The following CDH23 variants were observed in gnomAD, a reference collection of about 807,000 sequenced individuals.
The protein encoded by CDH23 is cadherin-23.
A neutral mutation model predicts 317.1 loss-of-function variants in CDH23; 189 were observed. That is an observed-to-expected ratio of 0.60 (90% CI 0.53 to 0.67). CDH23 has a LOEUF of 0.67. CDH23 is among the 30% of genes least tolerant of loss of function. CDH23 has a pLI of 0.00. For synonymous variants in CDH23, 1,839 were observed against 1,876.8 expected (o/e 0.98, Z 0.52); for missense variants, 4,401 against 4,592.4 (o/e 0.96, Z 1.20).
At position 71,695,509 on chromosome 10, in the gene CDH23, A is replaced by T. The variant is rs1318424902; in HGVS notation, c.2381A>T (p.Asp794Val). Reference sequence around the variant, plus strand: ...AACCTGGTGGAGATGACCCCTCCAGACTCTGATGTGACCACGGTAGGTGGT... The same window carrying T: ...AACCTGGTGGAGATGACCCCTCCAGTCTCTGATGTGACCACGGTAGGTGGT... ...YINLVEMTPP[D>V]SDVTTVVAVD... Residue 794 changes from aspartate to valine, a missense_variant, in exon 22 of 70, where the codon GAC becomes GTC. Asp to Val is a radical substitution (Grantham distance 152, BLOSUM62 -3). Coordinates refer to ENST00000224721, the MANE Select transcript of CDH23 (RefSeq NM_022124.6). The T allele has an allele frequency of 6.2e-6, 10 of 1,612,568 alleles. No homozygotes were observed. Among genetic ancestry groups the T allele is most frequent in the Non-Finnish European group, 7.6e-6 (9 of 1,178,654 alleles).
chr10:71,493,585 T>A (rs1378294451), intron 3 of CDH23, among the ~76,000 whole-genome samples: 3 of 152,208 alleles, frequency 2.0e-5, no homozygotes, highest in African/African-American at 7.2e-5. Flanking sequence ...GCTCTCGGAA[T>A]AAAGGGCTTC....
intron 6 of CDH23, among the ~76,000 whole-genome samples, chr10:71,536,501 G>A (rs545652651): frequency 3.3e-5 from 5 of 152,294 alleles, no homozygotes; most frequent in Non-Finnish European, 7.4e-5. Flanking sequence ...TTAGAGTGAC[G>A]GCATGACACA....
chr10:71,561,981 G>C (rs1857155100), intron 6 of CDH23, among the ~76,000 whole-genome samples: 1 of 152,140 alleles, frequency 6.6e-6, no homozygotes, highest in Non-Finnish European at 1.5e-5. Flanking sequence ...TTTCCAGCAA[G>C]AAGCTGGACC....
At chr10:71,726,845 C>T (rs879295185) in intron 30 of CDH23, among the ~76,000 whole-genome samples, 3 of 152,344 alleles carry the variant, frequency 2.0e-5, no homozygotes, top group Non-Finnish European at 2.9e-5. Context: ...CTCACCCAGG[C>T]GTGGTGGGCT....
intron 8 of CDH23, 41 bp downstream of exon 8, chr10:71,570,959 G>A (rs1187280372): frequency 6.2e-7 from 1 of 1,607,866 alleles, no homozygotes; most frequent in Non-Finnish European, 8.5e-7. Context: ...TCCCTTCTCA[G>A]AGGGACTTCC....
At chr10:71,799,885 T>A (rs903603169) in intron 52 of CDH23, among the ~76,000 whole-genome samples, 3 of 152,200 alleles carry the variant, frequency 2.0e-5, no homozygotes, top group Admixed American at 6.5e-5. Flanking sequence ...TGGGACAACA[T>A]CTGAGATGTG....
intron 6 of CDH23, among the ~76,000 whole-genome samples, chr10:71,533,436 G>A (rs1855513137): frequency 6.6e-6 from 1 of 151,880 alleles, no homozygotes; most frequent in Non-Finnish European, 1.5e-5. Flanking sequence ...ACACACAAAT[G>A]AAACACCGCC....
rs143770359 is a variant in CDH23, at chr10:71,479,262, G to A, written c.146-30820G>A. Among the ~76,000 whole-genome samples the A allele has an allele frequency of 3.5e-3, 534 of 152,296 alleles. 5 individuals carry two copies. Among genetic ancestry groups the A allele is most frequent in the South Asian group, 0.016 (75 of 4,828 alleles). On this transcript the variant is annotated intron_variant, in intron 3 of 69. Transcript: ENST00000224721. ...ATCTCTAGGCTGCTCATGTGAAGGG[G>A]GAGCGAAGGCAGAGCTAACATTTTG...
At chr10:71,754,112 C>A (rs1840072930) in intron 38 of CDH23, among the ~76,000 whole-genome samples, 1 of 152,210 alleles carries the variant, frequency 6.6e-6, no homozygotes, top group African/African-American at 2.4e-5. Context: ...TCTGGGCCAG[C>A]CTTCCACCAG....
intron 3 of CDH23, among the ~76,000 whole-genome samples, chr10:71,462,215 C>T (rs751305078): frequency 3.9e-5 from 6 of 152,240 alleles, no homozygotes; most frequent in African/African-American, 1.4e-4. Flanking sequence ...CAGTGCAGTT[C>T]GCCCCTGCCC....
chr10:71,669,543 G>A (rs1189361227), intron 14 of CDH23, among the ~76,000 whole-genome samples: 2 of 151,790 alleles, frequency 1.3e-5, no homozygotes, highest in African/African-American at 4.8e-5. Context: ...CACCTCCCGG[G>A]TTCAAGCGAT....
chr10:71,486,201 C>T (rs187263640), intron 3 of CDH23, among the ~76,000 whole-genome samples: 128 of 152,258 alleles, frequency 8.4e-4, no homozygotes, highest in African/African-American at 2.9e-3. Context: ...TCTTTGGGGT[C>T]CTTATTTCCA....
chr10:71,507,744 T>C (rs1853725127), intron 3 of CDH23, among the ~76,000 whole-genome samples: 1 of 152,250 alleles, frequency 6.6e-6, no homozygotes, highest in South Asian at 2.1e-4. Context: ...TGTCTTCCTG[T>C]TCGTTTTAGT....
intron 6 of CDH23, among the ~76,000 whole-genome samples, chr10:71,554,728 ATTT>A (rs66679909): frequency 2.7e-5 from 4 of 147,454 alleles, no homozygotes; most frequent in East Asian, 3.9e-4. Flanking sequence ...AGTTGTGAGA[ATTT>A]TTTTTTTTTT....
intron 3 of CDH23, among the ~76,000 whole-genome samples, chr10:71,484,835 GT>G (rs1017631094): frequency 3.3e-5 from 5 of 152,084 alleles, no homozygotes; most frequent in African/African-American, 9.7e-5. Flanking sequence ...ACAAATAGGT[GT>G]TGACTTTCTC....
rs189686021 is a variant in CDH23 at position 71,485,439 on chromosome 10, C to T, written c.146-24643C>T. On this transcript the variant is annotated intron_variant, in intron 3 of 69. Coordinates refer to ENST00000224721, the MANE Select transcript of CDH23 (RefSeq NM_022124.6). ...TCAGCTTTTTCTGTCTTTGGCCATC[C>T]GTCCTGCATTGACCTTTTGTGCTCA... Among the ~76,000 whole-genome samples the T allele has an allele frequency of 3.6e-4, 55 of 152,324 alleles. 1 individual carries two copies. In the East Asian group the frequency reaches 6.5e-3, roughly 18 times the overall value.
At chr10:71,671,276 A>AT (rs1050416542) in intron 14 of CDH23, among the ~76,000 whole-genome samples, 45 of 151,960 alleles carry the variant, frequency 3.0e-4, no homozygotes, top group Non-Finnish European at 6.0e-4. Flanking sequence ...TTGGTTTGGC[A>AT]TTTTTTAGGT....
At chr10:71,753,625 G>T (rs1840061310) in intron 38 of CDH23, among the ~76,000 whole-genome samples, 1 of 152,208 alleles carries the variant, frequency 6.6e-6, no homozygotes, top group Non-Finnish European at 1.5e-5. Flanking sequence ...GCTGCCGCTT[G>T]CCTCAGCCTT....
rs755332087 is a variant in CDH23 at position 71,702,024 on chromosome 10, G to A, written c.2400G>A (p.Val800=). 1 of 1,613,562 alleles carries A rather than the reference G, an allele frequency of 6.2e-7. No homozygotes were observed. The highest frequency in any genetic ancestry group is 8.5e-7 in the Non-Finnish European group (1 of 1,179,858). Residue 800 remains valine (V), a splice_region_variant and synonymous_variant, in exon 23 of 70, where the codon GTG becomes GTA. Transcript: ENST00000224721. The stretch of plus-strand genomic sequence containing the variant: ...GGGGTCTGCTCCCTCCCGGGCAGGT[G>A]GTGGCTGTTGACCCAGACCTGGGGG... The part of the protein sequence containing the change: ...MTPPDSDVTT[V]VAVDPDLGEN...
Sources: gnomAD v4.1 joint callset for allele counts (sites outside exome capture counted in the v4.1 genomes callset) on GRCh38, gnomAD v4.1.1 for gene constraint, MANE v1.5 for transcripts, NCBI Gene and HGNC (gene_info 2026-07-23, HGNC 2026-07-21) for gene names.